The following CHMP6 variants were observed in gnomAD, a reference collection of about 807,000 sequenced individuals.
CHMP6 encodes the protein charged multivesicular body protein 6, also known as chromatin-modifying protein 6.
A neutral mutation model predicts 32.8 loss-of-function variants in CHMP6; 10 were observed. The observed-to-expected ratio is 0.30, with a 90% confidence interval of 0.19 to 0.52. The LOEUF is 0.52. Ranked by LOEUF, CHMP6 falls within the 20% of genes least tolerant of loss-of-function variation. The pLI, the probability that CHMP6 is intolerant of heterozygous loss-of-function variation, is 0.97. For missense variants in CHMP6, 269 were observed against 263.8 expected, an observed-to-expected ratio of 1.02 and a Z score of -0.14; for synonymous variants, 123 against 105.8, an observed-to-expected ratio of 1.16 and a Z score of -1.00.
At chr17:80,995,190 C>T in intron 3 of CHMP6, 84 bp downstream of exon 3, 1 of 1,348,126 alleles carries the variant, frequency 7.4e-7, no homozygotes, top group Non-Finnish European at 1.0e-6. Context: ...GAAATTTCTC[C>T]CGAGAGCTGA....
At position 80,991,851 on chromosome 17, in the gene CHMP6, C is replaced by T; in HGVS notation, c.-68C>T. 5.5e-6 allele frequency: 7 copies of T among 1,263,224 alleles called. No homozygotes were observed. Among genetic ancestry groups the T allele is most frequent in the Non-Finnish European group, 6.1e-6 (6 of 980,140 alleles). The allele number at this position is 1,263,224 out of a possible 1,614,324, so 78.3% of individuals were successfully genotyped here. ...GGCCGCCGTAGCGGGAGGACCCGAGCTACGGTGGCCGCGGGGCGGCGGTGG... is the reference window on the plus strand; with the variant it reads ...GGCCGCCGTAGCGGGAGGACCCGAGTTACGGTGGCCGCGGGGCGGCGGTGG... On this transcript the variant is annotated 5_prime_UTR_variant, in exon 1 of 8. Transcript: ENST00000325167.
Position 80,994,194 on chromosome 17 carries a change from G to A in CHMP6, c.64-387G>A, listed in dbSNP as rs376771168. 4.4e-4 allele frequency among the ~76,000 whole-genome samples: 67 copies of A among 152,326 alleles called. 2 individuals are homozygous for A. In the South Asian group the frequency reaches 0.012, roughly 28 times the overall value. ...CTCCCAAAGTGCTGGGATTACAGGC[G>A]TGAGCCACTGCGCCCAGCCGAGTCC... On this transcript the variant is annotated intron_variant, in intron 1 of 7. Transcript: ENST00000325167.
intron 4 of CHMP6, 29 bp downstream of exon 4, chr17:80,995,787 A>C: frequency 6.2e-7 from 1 of 1,603,730 alleles, no homozygotes; most frequent in Non-Finnish European, 8.5e-7. Flanking sequence ...AGGGGCATGG[A>C]GGTGTGGGGA....
chr17:80,998,563 G>A (rs752046186), intron 7 of CHMP6, 143 bp downstream of exon 7: 30 of 1,531,932 alleles, frequency 2.0e-5, no homozygotes, highest in East Asian at 9.3e-5. Context: ...GGGGGCGTGC[G>A]TGCCTGGCCT....
At chr17:80,992,244 G>T (rs2069598972) in intron 1 of CHMP6, among the ~76,000 whole-genome samples, 1 of 151,760 alleles carries the variant, frequency 6.6e-6, no homozygotes, top group South Asian at 2.1e-4. Context: ...CCCCGCCGGG[G>T]TGGGCGCGGC....
At chr17:80,998,489 A>G (rs775153003) in intron 7 of CHMP6, 69 bp downstream of exon 7, 3 of 1,604,458 alleles carry the variant, frequency 1.9e-6, no homozygotes, top group Admixed American at 1.7e-5. Flanking sequence ...AGAAGGGAAC[A>G]AGACAGAATG....
intron 1 of CHMP6, among the ~76,000 whole-genome samples, chr17:80,992,409 G>T (rs549116179): frequency 1.3e-5 from 2 of 152,264 alleles, no homozygotes; most frequent in South Asian, 4.1e-4. Context: ...CCCGTCCCGC[G>T]GCTCATTTGC....
chr17:80,999,247 G>T lies in CHMP6; in HGVS notation c.*94G>T. On this transcript the variant is annotated 3_prime_UTR_variant, in exon 8 of 8. Transcript: ENST00000325167. Reference sequence around the variant, plus strand: ...GGCCAGCCCCTGACCGGGTTCCCTGGAGCCCAGTGCGCACGGTGCTGAGCA... The same window carrying T: ...GGCCAGCCCCTGACCGGGTTCCCTGTAGCCCAGTGCGCACGGTGCTGAGCA... 6.9e-7 allele frequency: 1 copy of T among 1,442,542 alleles called. No individual in the cohort carries two copies. 89.4% of individuals were successfully genotyped at this position (1,442,542 alleles called of 1,614,324 possible).
At chr17:80,997,401 AC>A (rs2069648579) in intron 6 of CHMP6, 60 bp downstream of exon 6, 9 of 687,008 alleles carry the variant, frequency 1.3e-5, no homozygotes, top group South Asian at 2.0e-5. Flanking sequence ...CAGAGCTCAG[AC>A]CCCCAGGAGG....
chr17:80,998,207 G>A (rs1422403846), intron 6 of CHMP6, among the ~76,000 whole-genome samples, 159 bp from the exon 7 acceptor site: 1 of 152,192 alleles, frequency 6.6e-6, no homozygotes, highest in Middle Eastern at 3.2e-3. Flanking sequence ...CAGAAGCCGG[G>A]GCGGTTGCAG....
chr17:80,993,893 G>A (rs577540988), intron 1 of CHMP6, among the ~76,000 whole-genome samples: 6 of 152,180 alleles, frequency 3.9e-5, no homozygotes, highest in African/African-American at 1.4e-4. Flanking sequence ...TTGGGTACTC[G>A]CCACCTGCAT....
intron 7 of CHMP6, chr17:80,998,664 A>G: frequency 7.1e-7 from 1 of 1,403,426 alleles, no homozygotes; most frequent in South Asian, 1.5e-5. Context: ...TTCAGAAATC[A>G]GAACTGGGGA....
chr17:80,993,309 G>A (rs567345684), intron 1 of CHMP6, among the ~76,000 whole-genome samples: 1 of 151,060 alleles, frequency 6.6e-6, no homozygotes, highest in African/African-American at 2.4e-5. Context: ...TGTTCCCCAC[G>A]TGGCCTGTGA....
chr17:80,997,350 C>G lies in CHMP6; in HGVS notation c.495+9C>G. 1.3e-6 allele frequency: 2 copies of G among 1,541,502 alleles called. No homozygotes were observed. The highest frequency in any genetic ancestry group is 1.1e-5 in the South Asian group (1 of 88,734). On this transcript the variant is annotated intron_variant, in intron 6 of 7. Transcript: ENST00000325167. Reference sequence around the variant, plus strand: ...TGAGCGCAATCACTCAGGTAACGGCCCCCCCGGGACTGAGCACAGTCACTC... The same window carrying G: ...TGAGCGCAATCACTCAGGTAACGGCGCCCCCGGGACTGAGCACAGTCACTC...
intron 1 of CHMP6, among the ~76,000 whole-genome samples, chr17:80,993,738 C>T (rs1313162174): frequency 3.9e-5 from 6 of 152,194 alleles, no homozygotes; most frequent in African/African-American, 1.4e-4. Context: ...AGATGAGAGG[C>T]GGTCAGCGGG....
intron 1 of CHMP6, among the ~76,000 whole-genome samples, chr17:80,994,274 C>A (rs1156415651): frequency 6.6e-6 from 1 of 152,202 alleles, no homozygotes; most frequent in East Asian, 1.9e-4. Flanking sequence ...GTGCTTGTAC[C>A]GCTGGCAGGC....
intron 1 of CHMP6, among the ~76,000 whole-genome samples, chr17:80,992,409 G>C (rs549116179): frequency 6.6e-6 from 1 of 152,148 alleles, no homozygotes; most frequent in Non-Finnish European, 1.5e-5. Context: ...CCCGTCCCGC[G>C]GCTCATTTGC....
At chr17:80,998,952 A>T in intron 7 of CHMP6, 146 bp from the exon 8 acceptor site, 1 of 893,962 alleles carries the variant, frequency 1.1e-6, no homozygotes, top group Non-Finnish European at 1.7e-6. Flanking sequence ...CCTGTTTGTC[A>T]CTTGCCTCCC....
intron 1 of CHMP6, among the ~76,000 whole-genome samples, chr17:80,992,663 C>A (rs1193956622): frequency 2.0e-5 from 3 of 152,116 alleles, no homozygotes; most frequent in African/African-American, 4.8e-5. Flanking sequence ...CCAGACTGAC[C>A]CCCCGGGGCA....
Sources: allele counts gnomAD v4.1 joint callset (sites outside exome capture counted in the v4.1 genomes callset), GRCh38; gene constraint gnomAD v4.1.1; transcripts MANE v1.5; gene names NCBI Gene and HGNC (gene_info 2026-07-23, HGNC 2026-07-21).